PRDM5: variants seen among roughly 807,000 people sequenced by gnomAD.
The protein encoded by PRDM5 is PR domain zinc finger protein 5.
In PRDM5, 56 loss-of-function variants were observed where a neutral mutation model predicts 81.2. That is an observed-to-expected ratio of 0.69 (90% CI 0.56 to 0.86). The LOEUF (loss-of-function observed/expected upper bound fraction) is 0.86. PRDM5 is among the 40% of genes least tolerant of loss of function. The pLI, the probability that PRDM5 is intolerant of heterozygous loss-of-function variation, is 0.00. For missense variants in PRDM5, 697 were observed against 770.1 expected (o/e 0.91, Z 1.12); for synonymous variants, 267 against 256.4 (o/e 1.04, Z -0.39).
At chr4:120,798,565 A>G (rs755717988) in intron 9 of PRDM5, 141 bp from the exon 10 acceptor site, 8 of 671,772 alleles carry the variant, frequency 1.2e-5, no homozygotes, top group Middle Eastern at 4.2e-4. Context: ...TACCATCCAC[A>G]TAATAGACAC....
intron 12 of PRDM5, among the ~76,000 whole-genome samples, chr4:120,779,639 T>C (rs929293243): frequency 5.3e-5 from 8 of 152,144 alleles, no homozygotes; most frequent in African/African-American, 1.9e-4. Flanking sequence ...CAGTGACTTA[T>C]GCCTACAATC....
At chr4:120,825,949 T>C (rs188260294) in intron 3 of PRDM5, among the ~76,000 whole-genome samples, 27 of 152,238 alleles carry the variant, frequency 1.8e-4, no homozygotes, top group Non-Finnish European at 2.1e-4. Flanking sequence ...GAGAGAGTCC[T>C]GGGCAAACTA....
intron 14 of PRDM5, among the ~76,000 whole-genome samples, chr4:120,752,044 A>T (rs1307867482): frequency 6.6e-6 from 1 of 152,240 alleles, no homozygotes; most frequent in Non-Finnish European, 1.5e-5. Flanking sequence ...TTATGGCCCA[A>T]ATGTAATAGT....
At chr4:120,849,389 T>C (rs534639247) in intron 3 of PRDM5, among the ~76,000 whole-genome samples, 7 of 152,168 alleles carry the variant, frequency 4.6e-5, no homozygotes, top group Non-Finnish European at 8.8e-5. Flanking sequence ...AAATAACTGC[T>C]GGTAATGAGC....
chr4:120,759,199 G>A (rs1265223684), intron 13 of PRDM5, among the ~76,000 whole-genome samples: 2 of 152,208 alleles, frequency 1.3e-5, no homozygotes, highest in African/African-American at 4.8e-5. Context: ...ACACTGAGCT[G>A]ACATATCTGG....
intron 14 of PRDM5, among the ~76,000 whole-genome samples, chr4:120,713,214 C>T (rs1403046363): frequency 1.3e-5 from 2 of 152,062 alleles, no homozygotes; most frequent in East Asian, 1.9e-4. Flanking sequence ...TGTAATAATT[C>T]TTTTTTACCT....
At chr4:120,788,354 T>A (rs1440919805) in intron 10 of PRDM5, among the ~76,000 whole-genome samples, 1 of 152,152 alleles carries the variant, frequency 6.6e-6, no homozygotes, top group Admixed American at 6.6e-5. Flanking sequence ...GCCGCATACA[T>A]ATATGCACAC....
At position 120,858,986 on chromosome 4, in the gene PRDM5, T is replaced by C. The variant is rs190833324; in HGVS notation, c.178-5446A>G. Among the ~76,000 whole-genome samples the C allele has an allele frequency of 1.4e-3, 217 of 152,264 alleles. 1 individual carries two copies. The highest frequency in any genetic ancestry group is 1.9e-3 in the Non-Finnish European group (131 of 68,018). On this transcript the variant is annotated intron_variant, in intron 2 of 15. Coordinates refer to ENST00000264808, the MANE Select transcript of PRDM5 (RefSeq NM_018699.4). ...TCTCACTGAACTAAGCCGTGATCAC[T>C]TGACCTCTAAAATGGGGACAACAGT...
At chr4:120,732,475 A>T (rs1477333790) in intron 14 of PRDM5, among the ~76,000 whole-genome samples, 1 of 152,168 alleles carries the variant, frequency 6.6e-6, no homozygotes, top group Non-Finnish European at 1.5e-5. Flanking sequence ...TAGTAATAAC[A>T]ATATAAATTC....
intron 14 of PRDM5, among the ~76,000 whole-genome samples, chr4:120,737,005 C>A (rs951133632): frequency 2.0e-5 from 3 of 152,112 alleles, no homozygotes; most frequent in Non-Finnish European, 4.4e-5. Context: ...CCTACAACAG[C>A]AATAAGTAGG....
At chr4:120,895,274 T>G (rs1259143655) in intron 2 of PRDM5, among the ~76,000 whole-genome samples, 1 of 152,102 alleles carries the variant, frequency 6.6e-6, no homozygotes, top group Non-Finnish European at 1.5e-5. Flanking sequence ...GGCAAGAAAC[T>G]TGGAACAGAA....
At chr4:120,902,919 G>A (rs1765377834) in intron 2 of PRDM5, among the ~76,000 whole-genome samples, 1 of 152,110 alleles carries the variant, frequency 6.6e-6, no homozygotes, top group South Asian at 2.1e-4. Flanking sequence ...CCTGTCCCAA[G>A]CTCACAAAGG....
intron 14 of PRDM5, among the ~76,000 whole-genome samples, chr4:120,740,599 C>T (rs2149106692): frequency 6.6e-6 from 1 of 152,274 alleles, no homozygotes; most frequent in Admixed American, 6.5e-5. Context: ...AAACCTTGTC[C>T]AAACTTTGTC....
chr4:120,712,215 G>A (rs1230032465), intron 14 of PRDM5, among the ~76,000 whole-genome samples: 1 of 152,146 alleles, frequency 6.6e-6, no homozygotes, highest in Non-Finnish European at 1.5e-5. Context: ...GAACCCAGGA[G>A]GCGGAGGTTG....
intron 14 of PRDM5, among the ~76,000 whole-genome samples, chr4:120,734,963 T>G (rs1458011918): frequency 6.6e-6 from 1 of 152,150 alleles, no homozygotes; most frequent in Non-Finnish European, 1.5e-5. Flanking sequence ...AACTGTTCCT[T>G]CAGTACACGG....
At chr4:120,905,908 C>T (rs1420951983) in intron 2 of PRDM5, among the ~76,000 whole-genome samples, 2 of 152,070 alleles carry the variant, frequency 1.3e-5, no homozygotes, top group Non-Finnish European at 2.9e-5. Flanking sequence ...ACTATACATA[C>T]AATGGTGGTC....
chr4:120,867,261 A>G (rs1051781484), intron 2 of PRDM5, among the ~76,000 whole-genome samples: 1 of 152,138 alleles, frequency 6.6e-6, no homozygotes, highest in African/African-American at 2.4e-5. Flanking sequence ...ACTGTGAGAT[A>G]AGAAAAAAAA....
intron 9 of PRDM5, among the ~76,000 whole-genome samples, chr4:120,799,180 C>T (rs1426982376): frequency 6.6e-6 from 1 of 152,134 alleles, no homozygotes; most frequent in Non-Finnish European, 1.5e-5. Flanking sequence ...GCTTTAAAAA[C>T]TTACATACTC....
At chr4:120,764,838 T>C (rs1360795126) in intron 13 of PRDM5, among the ~76,000 whole-genome samples, 1 of 152,212 alleles carries the variant, frequency 6.6e-6, no homozygotes, top group East Asian at 1.9e-4. Context: ...GGTAAGAGAA[T>C]ATTTGATTTG....
Sources: gnomAD v4.1 joint callset for allele counts (sites outside exome capture counted in the v4.1 genomes callset) on GRCh38, gnomAD v4.1.1 for gene constraint, MANE v1.5 for transcripts, NCBI Gene and HGNC (gene_info 2026-07-23, HGNC 2026-07-21) for gene names.